The following EYS variants were observed in gnomAD, a reference collection of about 807,000 sequenced individuals.
EYS encodes protein eyes shut homolog.
A neutral mutation model predicts 282.1 loss-of-function variants in EYS; 250 were observed. The ratio of observed to expected loss-of-function variants is 0.89; its 90% CI spans 0.80 to 0.98. The LOEUF is 0.98. Ranked by LOEUF, EYS falls within the 50% of genes least tolerant of loss-of-function variation. The pLI is 0.00. For synonymous variants in EYS, 1,355 were observed against 1,282.9 expected, an observed-to-expected ratio of 1.06 and a Z score of -1.20; for missense variants, 4,016 against 3,709.0, an observed-to-expected ratio of 1.08 and a Z score of -2.15.
chr6:64,162,451 T>A (rs1775136278), intron 31 of EYS, among the ~76,000 whole-genome samples: 1 of 152,142 alleles, frequency 6.6e-6, no homozygotes, highest in Non-Finnish European at 1.5e-5. Context: ...AAGGCTCACC[T>A]GGAATTCCTA....
intron 13 of EYS, among the ~76,000 whole-genome samples, chr6:65,018,815 CAT>C (rs1327567872): frequency 6.6e-6 from 1 of 151,956 alleles, no homozygotes; most frequent in African/African-American, 2.4e-5. Flanking sequence ...ACCCTGTGTG[CAT>C]ATGTTTGCTT....
chr6:65,306,947 C>A (rs1769029297), intron 11 of EYS, among the ~76,000 whole-genome samples: 1 of 138,960 alleles, frequency 7.2e-6, no homozygotes, highest in Non-Finnish European at 1.6e-5. Flanking sequence ...CAACCTGATC[C>A]TTTTTAAGCG....
At chr6:64,122,274 A>T (rs1008744039) in intron 31 of EYS, among the ~76,000 whole-genome samples, 1 of 152,178 alleles carries the variant, frequency 6.6e-6, no homozygotes, top group African/African-American at 2.4e-5. Context: ...GCTATTAAAT[A>T]TATAAGAACC....
intron 29 of EYS, among the ~76,000 whole-genome samples, chr6:64,316,986 G>T (rs1374403306): frequency 6.6e-6 from 1 of 152,152 alleles, no homozygotes; most frequent in African/African-American, 2.4e-5. Flanking sequence ...TTTAATAAAT[G>T]GTTTTGGGAA....
rs140740173 is a variant in EYS at position 64,084,538 on chromosome 6, A to G, written c.6425-2536T>C. On this transcript the variant is annotated intron_variant, in intron 31 of 42. Coordinates refer to ENST00000503581, the MANE Select transcript of EYS (RefSeq NM_001142800.2). ...AACTTTCTCTTATCTTTGTATTAGG[A>G]CATAGTTTTACAACTAGGAATCAAG... 2.2e-3 allele frequency among the ~76,000 whole-genome samples: 334 copies of G among 152,282 alleles called. 1 individual carries two copies. The highest frequency in any genetic ancestry group is 7.6e-3 in the African/African-American group (316 of 41,556).
intron 22 of EYS, among the ~76,000 whole-genome samples, chr6:64,706,277 C>G (rs9342386): frequency 0.67 from 102,260 of 151,950 alleles, 35,616 homozygotes; most frequent in Middle Eastern, 0.78. Context: ...CACGTAGATG[C>G]GTGAAACTGG....
intron 33 of EYS, among the ~76,000 whole-genome samples, chr6:64,021,989 A>G (rs1582147327): frequency 6.6e-6 from 1 of 152,306 alleles, no homozygotes; most frequent in East Asian, 1.9e-4. Flanking sequence ...GGTTGTATGC[A>G]AGTTTTCTAT....
Position 65,099,483 on chromosome 6 carries a change from T to C in EYS, c.2024-41756A>G, listed in dbSNP as rs1234049637. On this transcript the variant is annotated intron_variant, in intron 12 of 42. Transcript: ENST00000503581. The stretch of plus-strand genomic sequence containing the variant: ...AGAATAATTAAAAAGAAAGAGGTAG[T>C]ACATTAAGATAAACTTTGCTAAAGA... 3.3e-5 allele frequency among the ~76,000 whole-genome samples: 5 copies of C among 150,682 alleles called. No homozygotes were observed. The Admixed American group carries it at 3.3e-4, about 10-fold the overall frequency.
At chr6:65,103,515 AT>A (rs1271856936) in intron 12 of EYS, among the ~76,000 whole-genome samples, 2 of 151,300 alleles carry the variant, frequency 1.3e-5, no homozygotes, top group Non-Finnish European at 1.5e-5. Context: ...AAGTCTTCCC[AT>A]TTTTGCCTAA....
At chr6:64,323,598 T>A (rs193275156) in intron 29 of EYS, among the ~76,000 whole-genome samples, 1 of 152,152 alleles carries the variant, frequency 6.6e-6, no homozygotes, top group Admixed American at 6.6e-5. Flanking sequence ...CCGACTATAC[T>A]GAAATATAAC....
chr6:64,168,770 A>G (rs74954891), intron 31 of EYS, among the ~76,000 whole-genome samples: 4,601 of 152,250 alleles, frequency 0.03, 229 homozygotes, highest in African/African-American at 0.1. Flanking sequence ...ATGCAAATGG[A>G]CACAAAGGGA....
Position 65,343,992 on chromosome 6 carries a change from C to T in EYS, c.1599+46G>A, listed in dbSNP as rs191201558. ...TAACTTTCTAAAAATCAGACAATTACAAGCTAAAGAGAAAAATGAAAAGCA... is the reference window on the plus strand; with the variant it reads ...TAACTTTCTAAAAATCAGACAATTATAAGCTAAAGAGAAAAATGAAAAGCA... On this transcript the variant is annotated intron_variant, in intron 10 of 42. Transcript: ENST00000503581. 1.3e-3 allele frequency: 1,997 copies of T among 1,538,578 alleles called. 3 individuals are homozygous for T. The highest frequency in any genetic ancestry group is 1.4e-3 in the Non-Finnish European group (1,529 of 1,114,070).
chr6:65,556,981 T>C (rs1768836346), intron 2 of EYS, among the ~76,000 whole-genome samples: 1 of 152,210 alleles, frequency 6.6e-6, no homozygotes, highest in African/African-American at 2.4e-5. Context: ...ATATATGTCA[T>C]AGATCTGGTT....
chr6:63,983,139 T>C (rs1168581384), intron 35 of EYS, among the ~76,000 whole-genome samples: 2 of 151,768 alleles, frequency 1.3e-5, no homozygotes, highest in African/African-American at 2.4e-5. Context: ...CCCCCAGATT[T>C]ACTCTCATTT....
intron 5 of EYS, among the ~76,000 whole-genome samples, chr6:65,419,622 A>C (rs2150376060): frequency 6.6e-6 from 1 of 152,124 alleles, no homozygotes; most frequent in Non-Finnish European, 1.5e-5. Flanking sequence ...ATTTTAAAAA[A>C]TAAAGCAAGT....
At chr6:63,846,302 A>G (rs998362241) in intron 36 of EYS, among the ~76,000 whole-genome samples, 1 of 152,148 alleles carries the variant, frequency 6.6e-6, no homozygotes, top group African/African-American at 2.4e-5. Context: ...TTTGCTGTCA[A>G]CAAGGTGCAT....
chr6:63,935,572 G>C (rs575030168), intron 35 of EYS, among the ~76,000 whole-genome samples: 1 of 152,284 alleles, frequency 6.6e-6, no homozygotes, highest in Admixed American at 6.5e-5. Context: ...CACACAGAAA[G>C]ATATAAGATG....
At chr6:64,365,138 T>G (rs1396264140) in intron 29 of EYS, among the ~76,000 whole-genome samples, 1 of 151,910 alleles carries the variant, frequency 6.6e-6, no homozygotes, top group Non-Finnish European at 1.5e-5. Flanking sequence ...AAGATTCTTT[T>G]CAACTGGAAA....
At chr6:65,586,631 G>A (rs371308254) in intron 2 of EYS, among the ~76,000 whole-genome samples, 1 of 152,162 alleles carries the variant, frequency 6.6e-6, no homozygotes, top group South Asian at 2.1e-4. Context: ...ATAAAGAAGT[G>A]TGTTCATGCC....
Sources: gnomAD v4.1 joint callset for allele counts (sites outside exome capture counted in the v4.1 genomes callset) on GRCh38, gnomAD v4.1.1 for gene constraint, MANE v1.5 for transcripts, NCBI Gene and HGNC (gene_info 2026-07-23, HGNC 2026-07-21) for gene names.